The following LRRK2 variants were observed in gnomAD, a reference collection of about 807,000 sequenced individuals.
LRRK2 encodes the protein leucine-rich repeat serine/threonine-protein kinase 2.
Under a neutral mutation model 302.6 loss-of-function variants are expected in LRRK2, and 203 were observed. That is an observed-to-expected ratio of 0.67 (90% CI 0.60 to 0.75). The LOEUF (loss-of-function observed/expected upper bound fraction) is 0.75. Among genes scored for constraint, LRRK2 ranks in the 30% least tolerant of loss-of-function variants. The pLI is 0.00. For missense variants in LRRK2, 2,830 were observed against 2,951.0 expected, an observed-to-expected ratio of 0.96 and a Z score of 0.95; for synonymous variants, 1,066 against 1,031.9, an observed-to-expected ratio of 1.03 and a Z score of -0.63.
chr12:40,318,124 C>G (rs547169582), intron 33 of LRRK2, among the ~76,000 whole-genome samples: 4 of 152,106 alleles, frequency 2.6e-5, no homozygotes, highest in South Asian at 4.2e-4. Context: ...AGAAATGAAG[C>G]AGATTTTTTC....
chr12:40,355,646 G>C (rs548449718), intron 45 of LRRK2, among the ~76,000 whole-genome samples: 1 of 151,222 alleles, frequency 6.6e-6, no homozygotes, highest in Admixed American at 6.6e-5. Flanking sequence ...AAGTTCAAGC[G>C]ATTCTCTAGC....
At chr12:40,363,076 A>G (rs937324191) in intron 47 of LRRK2, among the ~76,000 whole-genome samples, 1 of 152,088 alleles carries the variant, frequency 6.6e-6, no homozygotes, top group Non-Finnish European at 1.5e-5. Context: ...TATTTCCTTC[A>G]GAAATTTAGA....
rs150762283 is a variant in LRRK2, at chr12:40,308,132, T to C, written c.3960-335T>C. ...TTAAAGACATTAGAATATGTATACATGTATGTATATGTGTGTATATATAGA... is the reference window on the plus strand; with the variant it reads ...TTAAAGACATTAGAATATGTATACACGTATGTATATGTGTGTATATATAGA... On this transcript the variant is annotated intron_variant, in intron 28 of 50. Coordinates refer to ENST00000298910, the MANE Select transcript of LRRK2 (RefSeq NM_198578.4). Among the ~76,000 whole-genome samples the C allele has an allele frequency of 3.8e-3, 581 of 152,296 alleles. 18 individuals carry two copies. The highest frequency in any genetic ancestry group is 0.037 in the Admixed American group (562 of 15,296).
chr12:40,234,646 A>G (rs1410029560), intron 3 of LRRK2, among the ~76,000 whole-genome samples: 2 of 151,962 alleles, frequency 1.3e-5, no homozygotes, highest in Non-Finnish European at 2.9e-5. Flanking sequence ...CAAAGTGCTG[A>G]GATTACAGGC....
rs1942566763 is a variant in LRRK2 at position 40,257,370 on chromosome 12, G to A, written c.1411G>A (p.Glu471Lys). 1 of 1,612,458 alleles carries A rather than the reference G, an allele frequency of 6.2e-7. No individual in the cohort carries two copies. ...SGCKMLNHLF[E>K]GSNTSLDIMA... ...CTGTAAAATGCTAAATCATCTTTTTGAAGGAAGGTAATATAGATTCATTAA... is the reference window on the plus strand; with the variant it reads ...CTGTAAAATGCTAAATCATCTTTTTAAAGGAAGGTAATATAGATTCATTAA... The change falls in exon 12 of 51, where the codon GAA becomes AAA. Residue 471 changes from glutamate (E) to lysine (K), a missense_variant. Physicochemically the swap from Glu to Lys is moderately conservative, Grantham distance 56 (BLOSUM62 1). Coordinates refer to ENST00000298910, the MANE Select transcript of LRRK2 (RefSeq NM_198578.4).
At chr12:40,273,513 G>T (rs921175479) in intron 14 of LRRK2, among the ~76,000 whole-genome samples, 15 of 152,250 alleles carry the variant, frequency 9.9e-5, no homozygotes, top group African/African-American at 2.9e-4. Context: ...ACTGAGAAAG[G>T]ATTGGAAATC....
chr12:40,287,284 G>C, intron 19 of LRRK2, 67 bp from the exon 20 acceptor site: 13 of 1,423,056 alleles, frequency 9.1e-6, no homozygotes, highest in Non-Finnish European at 1.3e-5. Context: ...AAGAACTTTG[G>C]TCCTATGTAT....
At chr12:40,354,575 A>G (rs1946467812) in intron 45 of LRRK2, 83 bp downstream of exon 45, 2 of 1,247,056 alleles carry the variant, frequency 1.6e-6, no homozygotes, top group African/African-American at 1.5e-5. Flanking sequence ...TTGCATCAGC[A>G]AAGATTGTTC....
At chr12:40,238,722 T>A (rs1941584368) in intron 5 of LRRK2, among the ~76,000 whole-genome samples, 1 of 152,142 alleles carries the variant, frequency 6.6e-6, no homozygotes, top group Admixed American at 6.6e-5. Context: ...CCCTTTTGTA[T>A]CATTATGAGA....
At chr12:40,257,410 A>G in intron 12 of LRRK2, 33 bp downstream of exon 12, 1 of 1,599,294 alleles carries the variant, frequency 6.3e-7, no homozygotes, top group South Asian at 1.1e-5. Context: ...TACAGAATAT[A>G]TCATATTGGG....
rs575489847 is a variant in LRRK2 at position 40,320,314 on chromosome 12, A to G, written c.5015+139A>G. ...CTTCTAGTGTAAACCTCCTACTGAC[A>G]TGTATCATTTATTTTGGAATAAAAC... On this transcript the variant is annotated intron_variant, in intron 34 of 50. Transcript: ENST00000298910. 1.2e-4 allele frequency: 75 copies of G among 652,138 alleles called. 1 individual carries two copies. In the East Asian group the frequency reaches 2.1e-3, roughly 18 times the overall value. 40.4% of individuals were successfully genotyped at this position (652,138 alleles called of 1,614,324 possible). A position where few individuals can be genotyped will look rare whatever the true frequency, so the allele number is the denominator to read the frequency against.
At position 40,367,020 on chromosome 12, in the gene LRRK2, G is replaced by A. The variant is rs1288293543; in HGVS notation, c.7405G>A (p.Val2469Ile). The A allele has an allele frequency of 1.2e-6, 2 of 1,608,776 alleles. No individual in the cohort carries two copies. The highest frequency in any genetic ancestry group is 2.7e-5 in the African/African-American group (2 of 74,598). ...MTAQLGSLKN[V>I]MLVLGYNRKN... ...TTTTTGTAAAGGAAGCCTTAAAAAT[G>A]TCATGCTGGTATTGGGCTACAACCG... Residue 2469 changes from valine to isoleucine, a missense_variant, in exon 50 of 51, where the codon GTC becomes ATC. Val to Ile is a conservative substitution (Grantham distance 29). This residue lies in a region of LRRK2 where 456 missense variants were observed against 456.3 expected (regional missense o/e 1.00). Coordinates refer to ENST00000298910, the MANE Select transcript of LRRK2 (RefSeq NM_198578.4).
intron 24 of LRRK2, among the ~76,000 whole-genome samples, chr12:40,298,808 A>T (rs1592248261): frequency 1.2e-5 from 1 of 81,952 alleles, no homozygotes; most frequent in African/African-American, 4.5e-5. Flanking sequence ...TAATATATGT[A>T]TTATAATATA....
chr12:40,308,179 G>A (rs556601891), intron 28 of LRRK2, among the ~76,000 whole-genome samples: 34 of 152,132 alleles, frequency 2.2e-4, no homozygotes, highest in Admixed American at 4.6e-4. Context: ...ATTGCATATC[G>A]TATTCTAATT....
intron 7 of LRRK2, among the ~76,000 whole-genome samples, chr12:40,247,006 G>T (rs1454774294): frequency 6.6e-6 from 1 of 152,098 alleles, no homozygotes; most frequent in African/African-American, 2.4e-5. Flanking sequence ...TGATTCTGAT[G>T]ACATTTTCTC....
intron 14 of LRRK2, among the ~76,000 whole-genome samples, chr12:40,270,400 T>C (rs1245555118): frequency 6.6e-6 from 1 of 152,218 alleles, no homozygotes; most frequent in East Asian, 1.9e-4. Context: ...CTTTTGTTAC[T>C]GTTTTTTCAC....
Position 40,367,800 on chromosome 12 carries a change from T to G in LRRK2, c.*35T>G. 6.3e-7 allele frequency: 1 copy of G among 1,585,564 alleles called. No individual in the cohort carries two copies. The highest frequency in any genetic ancestry group is 8.6e-7 in the Non-Finnish European group (1 of 1,162,474). On this transcript the variant is annotated 3_prime_UTR_variant, in exon 51 of 51. Coordinates refer to ENST00000298910, the MANE Select transcript of LRRK2 (RefSeq NM_198578.4). Reference sequence around the variant, plus strand: ...AGGAATTGTCTTTGGATAGGAAAATTATTCTCTCCTCTTGTAAATATTTAT... The same window carrying G: ...AGGAATTGTCTTTGGATAGGAAAATGATTCTCTCCTCTTGTAAATATTTAT...
chr12:40,307,748 A>G (rs1158055971), intron 28 of LRRK2, among the ~76,000 whole-genome samples: 2 of 146,090 alleles, frequency 1.4e-5, no homozygotes, highest in African/African-American at 2.5e-5. Flanking sequence ...TTTGAACTTT[A>G]TAATTTATAG....
chr12:40,277,798 T>C, intron 16 of LRRK2, 90 bp from the exon 17 acceptor site: 1 of 1,197,222 alleles, frequency 8.4e-7, no homozygotes, highest in Non-Finnish European at 1.2e-6. Context: ...TCCTAGGTAT[T>C]GTTTCATATA....
Sources: gnomAD v4.1 joint callset for allele counts (sites outside exome capture counted in the v4.1 genomes callset) on GRCh38, gnomAD v4.1.1 for gene constraint, gnomAD v4.1.1 regional missense constraint, MANE v1.5 for transcripts, NCBI Gene and HGNC (gene_info 2026-07-23, HGNC 2026-07-21) for gene names.